Variants in ME3 observed in about 807,000 individuals in gnomAD.
ME3 encodes NADP-dependent malic enzyme, mitochondrial.
In ME3, 48 loss-of-function variants were observed where a neutral mutation model predicts 68.9. The ratio of observed to expected loss-of-function variants is 0.70; its 90% CI spans 0.55 to 0.89. The LOEUF is 0.89. ME3 is among the 40% of genes least tolerant of loss of function. ME3 has a pLI of 0.00. For synonymous variants in ME3, 320 were observed against 318.8 expected (o/e 1.00, Z -0.04); for missense variants, 675 against 797.4 (o/e 0.85, Z 1.85).
At chr11:86,611,678 TG>T (rs1942589411) in intron 2 of ME3, among the ~76,000 whole-genome samples, 1 of 151,648 alleles carries the variant, frequency 6.6e-6, no homozygotes. Flanking sequence ...TATCATGCAA[TG>T]GGAAGACTCT....
intron 2 of ME3, among the ~76,000 whole-genome samples, chr11:86,659,195 G>T (rs1946117282): frequency 6.6e-6 from 1 of 152,240 alleles, no homozygotes; most frequent in African/African-American, 2.4e-5. Context: ...TACCTCAACA[G>T]ATGCTTAGGT....
chr11:86,506,265 G>A lies in ME3; in HGVS notation c.543+2527C>T, dbSNP rs1018251241. On this transcript the variant is annotated intron_variant, in intron 5 of 14. Coordinates refer to ENST00000543262, the Ensembl canonical transcript of ME3. Reference sequence around the variant, plus strand: ...GTTTCTCTTCCTCTAAAATCACAGCGGTTGTGGTCTTCATCTCTTTGGCAA... The same window carrying A: ...GTTTCTCTTCCTCTAAAATCACAGCAGTTGTGGTCTTCATCTCTTTGGCAA... 4.6e-5 allele frequency among the ~76,000 whole-genome samples: 7 copies of A among 152,200 alleles called. 1 individual carries two copies. The South Asian group carries it at 8.3e-4, about 18-fold the overall frequency.
chr11:86,560,403 A>G (rs4943945), intron 2 of ME3, among the ~76,000 whole-genome samples: 48,227 of 151,932 alleles, frequency 0.32, 7,947 homozygotes, highest in Middle Eastern at 0.38. Context: ...ATGTGGAACT[A>G]TGAGTCAATT....
chr11:86,653,519 C>T (rs1420969570), intron 2 of ME3, among the ~76,000 whole-genome samples: 1 of 152,134 alleles, frequency 6.6e-6, no homozygotes. Context: ...AAAATGAAGG[C>T]AGAAATAAAG....
At chr11:86,585,573 G>A (rs1299731984) in intron 2 of ME3, among the ~76,000 whole-genome samples, 1 of 152,142 alleles carries the variant, frequency 6.6e-6, no homozygotes, top group Non-Finnish European at 1.5e-5. Context: ...TGGAAGGAGA[G>A]GAGCTCATCT....
chr11:86,670,487 C>T (rs555149109), intron 2 of ME3, among the ~76,000 whole-genome samples: 3 of 152,316 alleles, frequency 2.0e-5, no homozygotes, highest in South Asian at 2.1e-4. Flanking sequence ...TATTTTCTAA[C>T]GCTTACTAGC....
At chr11:86,475,874 T>TATATATATAG in intron 7 of ME3, among the ~76,000 whole-genome samples, 21 of 91,466 alleles carry the variant, frequency 2.3e-4, no homozygotes, top group Admixed American at 6.9e-4. Flanking sequence ...TATATATATA[T>TATATATATAG]AGAGAGAGAG....
intron 2 of ME3, among the ~76,000 whole-genome samples, chr11:86,610,726 G>A (rs1055503631): frequency 6.7e-6 from 1 of 149,520 alleles, no homozygotes; most frequent in African/African-American, 2.5e-5. Context: ...GTGGCGGGGG[G>A]GCAGGGTCTG....
intron 2 of ME3, among the ~76,000 whole-genome samples, chr11:86,626,360 G>A (rs1195313228): frequency 6.6e-6 from 1 of 152,150 alleles, no homozygotes; most frequent in Non-Finnish European, 1.5e-5. Context: ...TTCTTCACCT[G>A]GGCAGCAGCA....
chr11:86,525,436 C>G (rs1954658615), intron 4 of ME3, among the ~76,000 whole-genome samples: 1 of 151,746 alleles, frequency 6.6e-6, no homozygotes. Flanking sequence ...AGTAGTGAGT[C>G]CTTACTTATC....
intron 5 of ME3, among the ~76,000 whole-genome samples, chr11:86,506,089 G>C (rs1953052448): frequency 6.6e-6 from 1 of 152,206 alleles, no homozygotes; most frequent in Non-Finnish European, 1.5e-5. Context: ...TTCCAGAGTA[G>C]ATGTTTACTA....
At chr11:86,567,745 G>A (rs1957564550) in intron 2 of ME3, among the ~76,000 whole-genome samples, 1 of 152,160 alleles carries the variant, frequency 6.6e-6, no homozygotes, top group African/African-American at 2.4e-5. Context: ...TAATATTAAG[G>A]CAACCTCAGA....
At chr11:86,592,680 G>A (rs891921019) in intron 2 of ME3, among the ~76,000 whole-genome samples, 29 of 152,162 alleles carry the variant, frequency 1.9e-4, no homozygotes, top group African/African-American at 7.0e-4. Context: ...TACTACTTAA[G>A]CCAGCAACAA....
At chr11:86,480,957 T>C (rs1161776403) in intron 7 of ME3, among the ~76,000 whole-genome samples, 2 of 152,164 alleles carry the variant, frequency 1.3e-5, no homozygotes, top group Non-Finnish European at 2.9e-5. Context: ...CACCCTCACC[T>C]TGGGCTTCAG....
At chr11:86,518,840 C>G (rs1365656349) in intron 4 of ME3, among the ~76,000 whole-genome samples, 1 of 152,094 alleles carries the variant, frequency 6.6e-6, no homozygotes, top group African/African-American at 2.4e-5. Flanking sequence ...GAGGAGAAGA[C>G]AGGGACATGC....
At chr11:86,546,316 G>A (rs1438056993) in intron 4 of ME3, among the ~76,000 whole-genome samples, 1 of 152,180 alleles carries the variant, frequency 6.6e-6, no homozygotes, top group Non-Finnish European at 1.5e-5. Context: ...TGATAACTGT[G>A]ATCTAATTAA....
intron 2 of ME3, 168 bp downstream of exon 2, chr11:86,671,594 G>A: frequency 2.7e-6 from 2 of 737,738 alleles, no homozygotes; most frequent in South Asian, 2.0e-5. Flanking sequence ...AAAGGGAGAG[G>A]AGGGACAAGA....
At chr11:86,567,321 C>T (rs1957544433) in intron 2 of ME3, among the ~76,000 whole-genome samples, 1 of 152,096 alleles carries the variant, frequency 6.6e-6, no homozygotes, top group South Asian at 2.1e-4. Flanking sequence ...TGGCTACTCC[C>T]AATTTCCTCT....
At chr11:86,543,749 G>A (rs1031828215) in intron 4 of ME3, among the ~76,000 whole-genome samples, 1 of 152,140 alleles carries the variant, frequency 6.6e-6, no homozygotes, top group Admixed American at 6.5e-5. Context: ...AGATCAATGA[G>A]ACATAAAATT....
Sources: gnomAD v4.1 joint callset for allele counts (sites outside exome capture counted in the v4.1 genomes callset) on GRCh38, gnomAD v4.1.1 for gene constraint, MANE v1.5 for transcripts, NCBI Gene and HGNC (gene_info 2026-07-23, HGNC 2026-07-21) for gene names.